FCGR2B: variants seen among roughly 807,000 people sequenced by gnomAD.
The protein encoded by FCGR2B is low affinity immunoglobulin gamma Fc region receptor II-b.
A neutral mutation model predicts 24.8 loss-of-function variants in FCGR2B; 18 were observed. The ratio of observed to expected loss-of-function variants is 0.73; its 90% CI spans 0.50 to 1.08. FCGR2B has a LOEUF of 1.08. Among genes scored for constraint, FCGR2B ranks in the 50% least tolerant of loss-of-function variants. The pLI, the probability that FCGR2B is intolerant of heterozygous loss-of-function variation, is 0.00. For missense variants in FCGR2B, 215 were observed against 297.6 expected, an observed-to-expected ratio of 0.72 and a Z score of 2.04; for synonymous variants, 79 against 109.8, an observed-to-expected ratio of 0.72 and a Z score of 1.75.
chr1:161,649,909 A>G, the FCGR2B span, among the ~76,000 whole-genome samples: 1 of 150,444 alleles, frequency 6.6e-6, no homozygotes, highest in African/African-American at 2.5e-5. Flanking sequence ...GGAATGGTAG[A>G]TACATTAATT....
At chr1:161,648,767 G>T in the FCGR2B span, among the ~76,000 whole-genome samples, 38 of 150,788 alleles carry the variant, frequency 2.5e-4, no homozygotes, top group Non-Finnish European at 8.9e-5. Flanking sequence ...TTGGCTCATT[G>T]TAACCTCTAT....
In FCGR2B at chr1:161,671,662, A is replaced by G. The variant is rs368731817; in HGVS notation, c.391+13A>G. ...ACTGTGCTTTCTGGTCAGTGGAGGA[A>G]GGCCCCAGGGTGGACCTGGGAGGGC... On this transcript the variant is annotated intron_variant, in intron 3 of 7. Coordinates refer to ENST00000358671, the MANE Select transcript of FCGR2B (RefSeq NM_001394477.1). 12 of 1,612,956 alleles carry G rather than the reference A, an allele frequency of 7.4e-6. No individual in the cohort carries two copies. Among genetic ancestry groups the G allele is most frequent in the Middle Eastern group, 3.3e-4 (2 of 6,052 alleles).
intron 4 of FCGR2B, chr1:161,673,479 C>T (rs2045571): frequency 0.14 from 97,430 of 718,668 alleles, 6,059 homozygotes; most frequent in African/African-American, 0.25. Context: ...AGACTAAGGA[C>T]GGCAGCGAAG....
chr1:161,654,557 A>G, the FCGR2B span, among the ~76,000 whole-genome samples: 2 of 133,916 alleles, frequency 1.5e-5, no homozygotes, highest in African/African-American at 2.5e-5. Context: ...CCTGGCCACA[A>G]GCTTTTCATG....
the FCGR2B span, among the ~76,000 whole-genome samples, chr1:161,652,496 T>C: frequency 7.4e-6 from 1 of 134,748 alleles, no homozygotes; most frequent in Admixed American, 8.2e-5. Context: ...TCCCCATCTG[T>C]TTATGTATGT....
In FCGR2B at chr1:161,669,628, A is replaced by G. The variant is rs1258397662; in HGVS notation, c.113-624A>G. On this transcript the variant is annotated intron_variant, in intron 1 of 7. Coordinates refer to ENST00000358671, the MANE Select transcript of FCGR2B (RefSeq NM_001394477.1). ...ATAAAATAAAATAAAATAAAATGAC[A>G]ACATAGAAACAGATTCATCTTCTAG... 2.7e-4 allele frequency among the ~76,000 whole-genome samples: 39 copies of G among 142,238 alleles called. 2 individuals are homozygous for G. Among genetic ancestry groups the G allele is most frequent in the Non-Finnish European group, 4.8e-5 (3 of 62,994 alleles). The allele number at this position is 142,238 out of a possible 152,430, so 93.3% of individuals were successfully genotyped here. A position where few individuals can be genotyped will look rare whatever the true frequency, so the allele number is the denominator to read the frequency against.
At chr1:161,649,010 A>C in the FCGR2B span, among the ~76,000 whole-genome samples, 1 of 151,114 alleles carries the variant, frequency 6.6e-6, no homozygotes, top group Non-Finnish European at 1.5e-5. Flanking sequence ...TAATGAATAC[A>C]GTTATGAAGG....
At position 161,678,448 on chromosome 1, in the gene FCGR2B, C is replaced by A; in HGVS notation, c.*895C>A. ...AGGGGCAATAGGCTATACGCTACAG[C>A]CTAGGTGTGTAGTAGGCCACACCAT... is the stretch of plus-strand genomic sequence containing the variant. On this transcript the variant is annotated 3_prime_UTR_variant, in exon 8 of 8. Coordinates refer to ENST00000358671, the MANE Select transcript of FCGR2B (RefSeq NM_001394477.1). 1 of 218,298 alleles carries A rather than the reference C, an allele frequency of 4.6e-6. No homozygotes were observed. The highest frequency in any genetic ancestry group is 9.2e-6 in the Non-Finnish European group (1 of 108,556). The allele number at this position is 218,298 out of a possible 1,614,324, so 13.5% of individuals were successfully genotyped here. A position where few individuals can be genotyped will look rare whatever the true frequency, so the allele number is the denominator to read the frequency against.
In FCGR2B at chr1:161,678,347, T is replaced by C; in HGVS notation, c.*794T>C. 1 of 216,768 alleles carries C rather than the reference T, an allele frequency of 4.6e-6. No homozygotes were observed. Among genetic ancestry groups the C allele is most frequent in the Non-Finnish European group, 9.3e-6 (1 of 107,610 alleles). 13.4% of individuals were successfully genotyped at this position (216,768 alleles called of 1,614,324 possible). On this transcript the variant is annotated 3_prime_UTR_variant, in exon 8 of 8. Transcript: ENST00000358671. ...TACCTTTTCTATTCCTATGTTTAGATATATGAGTACTTACCATTGTGTTAC... is the reference window on the plus strand; with the variant it reads ...TACCTTTTCTATTCCTATGTTTAGACATATGAGTACTTACCATTGTGTTAC...
intron 4 of FCGR2B, chr1:161,673,609 G>C (rs561728733): frequency 4.7e-6 from 3 of 644,554 alleles, no homozygotes; most frequent in Admixed American, 2.1e-5. Flanking sequence ...AGCCTGGCAC[G>C]TCATGGACCG....
At chr1:161,653,368 T>C in the FCGR2B span, among the ~76,000 whole-genome samples, 1 of 131,252 alleles carries the variant, frequency 7.6e-6, no homozygotes, top group African/African-American at 2.6e-5. Context: ...ATCCCACCAC[T>C]GCACTCCAGC....
intron 1 of FCGR2B, among the ~76,000 whole-genome samples, chr1:161,669,588 A>ATAAAATAAAG (rs1681508415): frequency 7.4e-6 from 1 of 134,410 alleles, no homozygotes; most frequent in African/African-American, 2.7e-5. Flanking sequence ...ATAAAATAAA[A>ATAAAATAAAG]TAAAATAAAA....
chr1:161,650,387 A>G, the FCGR2B span, among the ~76,000 whole-genome samples: 1 of 145,582 alleles, frequency 6.9e-6, no homozygotes. Flanking sequence ...AGAGTTAAGT[A>G]GAAAAGTGTT....
upstream of FCGR2B, among the ~76,000 whole-genome samples, chr1:161,661,189 G>GGAAA (rs201423251): frequency 0.015 from 1,051 of 70,176 alleles, 8 homozygotes; most frequent in Middle Eastern, 0.049. Flanking sequence ...AAGGAAGAAA[G>GGAAA]GAAAGAAAGA....
rs772043860 is a variant in FCGR2B, at chr1:161,677,458, G to A, written c.856-18G>A. On this transcript the variant is annotated intron_variant, in intron 7 of 7. Transcript: ENST00000358671. Reference sequence around the variant, plus strand: ...GCCCTCTCTGTGGATCCTTACTGCTGGTTTCTGCCTTCTCTAGGCTGAGAA... The same window carrying A: ...GCCCTCTCTGTGGATCCTTACTGCTAGTTTCTGCCTTCTCTAGGCTGAGAA... 6.2e-7 allele frequency: 1 copy of A among 1,612,928 alleles called. No homozygotes were observed. The highest frequency in any genetic ancestry group is 1.1e-5 in the South Asian group (1 of 91,050).
chr1:161,671,726 G>C, intron 3 of FCGR2B, 77 bp downstream of exon 3: 2 of 1,600,292 alleles, frequency 1.2e-6, no homozygotes, highest in Non-Finnish European at 1.7e-6. Context: ...GAGGTTTGCA[G>C]GAAAGGGGGG....
chr1:161,648,609 T>C, the FCGR2B span, among the ~76,000 whole-genome samples: 2 of 151,192 alleles, frequency 1.3e-5, no homozygotes, highest in Admixed American at 6.6e-5. Flanking sequence ...ATTTTAGATA[T>C]GTCTTTTGTC....
intron 6 of FCGR2B, chr1:161,676,059 G>T (rs868215311): frequency 3.5e-5 from 8 of 231,224 alleles, no homozygotes; most frequent in Admixed American, 1.1e-4. Context: ...CTGAGAACCA[G>T]GGGCCACCCA....
chr1:161,648,931 T>C, the FCGR2B span, among the ~76,000 whole-genome samples: 3 of 150,966 alleles, frequency 2.0e-5, no homozygotes, highest in Non-Finnish European at 4.4e-5. Context: ...ATATTATATT[T>C]CAATAATGAT....
Sources: gnomAD v4.1 joint callset for allele counts (sites outside exome capture counted in the v4.1 genomes callset) on GRCh38, gnomAD v4.1.1 for gene constraint, MANE v1.5 for transcripts, NCBI Gene and HGNC (gene_info 2026-07-23, HGNC 2026-07-21) for gene names.